COL24A1: variants seen among roughly 807,000 people sequenced by gnomAD.
COL24A1 encodes collagen alpha-1(XXIV) chain.
In COL24A1, 224 loss-of-function variants were observed where a neutral mutation model predicts 253.9. The observed-to-expected ratio is 0.88, with a 90% CI of 0.79 to 0.99. The LOEUF is 0.99. Among genes scored for constraint, COL24A1 ranks in the 50% least tolerant of loss-of-function variants. The pLI, the probability that COL24A1 is intolerant of heterozygous loss-of-function variation, is 0.00. For synonymous variants in COL24A1, 685 were observed against 673.7 expected (o/e 1.02, Z -0.26); for missense variants, 2,131 against 2,068.5 (o/e 1.03, Z -0.59).
intron 24 of COL24A1, among the ~76,000 whole-genome samples, chr1:85,941,320 C>T (rs998181295): frequency 1.3e-5 from 2 of 152,026 alleles, no homozygotes; most frequent in Admixed American, 6.6e-5. Context: ...TGCCTCCCCC[C>T]ACTGTCAATA....
chr1:85,892,919 C>T (rs1391529882), intron 31 of COL24A1, among the ~76,000 whole-genome samples: 3 of 151,954 alleles, frequency 2.0e-5, no homozygotes, highest in Non-Finnish European at 4.4e-5. Context: ...TTATTCAATG[C>T]CAACAGAAGA....
At chr1:85,838,552 A>T (rs180972612) in intron 43 of COL24A1, 33 bp downstream of exon 43, 1 of 1,586,694 alleles carries the variant, frequency 6.3e-7, no homozygotes, top group East Asian at 2.2e-5. Flanking sequence ...ACCCTATTTA[A>T]ATTCATTAGT....
chr1:86,092,130 C>A, intron 6 of COL24A1, 137 bp downstream of exon 6: 2 of 631,910 alleles, frequency 3.2e-6, no homozygotes. Flanking sequence ...ATAGTTCTTC[C>A]TTCATTAAAA....
At chr1:85,990,531 A>C (rs984381028) in intron 19 of COL24A1, among the ~76,000 whole-genome samples, 30 of 152,148 alleles carry the variant, frequency 2.0e-4, no homozygotes, top group Admixed American at 6.5e-5. Flanking sequence ...ATGCTTGCTC[A>C]CCTGCCACTC....
rs397832221 is a variant in COL24A1, at chr1:85,858,677, T to C, written c.3301-9271A>G. On this transcript the variant is annotated intron_variant, in intron 37 of 59. Coordinates refer to ENST00000370571, the MANE Select transcript of COL24A1 (RefSeq NM_152890.7). The stretch of plus-strand genomic sequence containing the variant: ...CTTCCTTCCTTCCTTCCTTCCTTCC[T>C]TCCCTCCGTCCTTCTTCCCTCCCTC... 8.0e-3 allele frequency among the ~76,000 whole-genome samples: 1,164 copies of C among 146,168 alleles called. 25 individuals carry two copies. Among genetic ancestry groups the C allele is most frequent in the African/African-American group, 0.029 (1,121 of 39,246 alleles).
At position 85,869,747 on chromosome 1, in the gene COL24A1, C is replaced by T. The variant is rs546277478; in HGVS notation, c.3139-912G>A. Among the ~76,000 whole-genome samples, 9 of 152,232 alleles carry T rather than the reference C, an allele frequency of 5.9e-5. No homozygotes were observed. The South Asian group carries it at 1.9e-3, about 32-fold the overall frequency. On this transcript the variant is annotated intron_variant, in intron 35 of 59. Transcript: ENST00000370571. ...AGGACCAGCCACTGCAAAAACATGC[C>T]AAATTGTAAAGACCATCGATGCTAG... is the stretch of plus-strand genomic sequence containing the variant.
intron 32 of COL24A1, among the ~76,000 whole-genome samples, chr1:85,885,295 G>A (rs930889744): frequency 6.6e-6 from 1 of 151,338 alleles, no homozygotes; most frequent in Admixed American, 6.6e-5. Flanking sequence ...CCGCCTCCCA[G>A]GTTCAAGTAA....
At chr1:86,136,465 T>A (rs1650261883) in intron 2 of COL24A1, among the ~76,000 whole-genome samples, 1 of 152,140 alleles carries the variant, frequency 6.6e-6, no homozygotes, top group African/African-American at 2.4e-5. Context: ...TTTAAGTTTA[T>A]TATTTCATTC....
At chr1:85,747,101 C>CTTTTT (rs34758363) in intron 55 of COL24A1, among the ~76,000 whole-genome samples, 11 of 111,238 alleles carry the variant, frequency 9.9e-5, no homozygotes, top group Non-Finnish European at 2.0e-4. Flanking sequence ...TGAATTATAA[C>CTTTTT]TTTTTTTTTT....
intron 19 of COL24A1, among the ~76,000 whole-genome samples, chr1:86,016,288 C>T (rs1221688576): frequency 2.6e-5 from 4 of 152,112 alleles, no homozygotes; most frequent in Non-Finnish European, 5.9e-5. Context: ...AGAAGTAGAT[C>T]TTATGGTTTA....
At chr1:86,002,613 C>G (rs771474115) in intron 19 of COL24A1, among the ~76,000 whole-genome samples, 3 of 152,112 alleles carry the variant, frequency 2.0e-5, no homozygotes, top group Non-Finnish European at 4.4e-5. Flanking sequence ...GAACATCACC[C>G]CAATCCACTA....
At chr1:86,068,497 G>A (rs952189315) in intron 7 of COL24A1, among the ~76,000 whole-genome samples, 2 of 152,272 alleles carry the variant, frequency 1.3e-5, no homozygotes, top group East Asian at 3.9e-4. Flanking sequence ...TACCACCATG[G>A]GCTGAAGTAC....
intron 18 of COL24A1, among the ~76,000 whole-genome samples, chr1:86,021,329 C>T (rs2101330440): frequency 1.3e-5 from 2 of 152,192 alleles, no homozygotes; most frequent in East Asian, 3.9e-4. Flanking sequence ...TTTACCTTCA[C>T]AGAGTTGTAA....
intron 38 of COL24A1, among the ~76,000 whole-genome samples, chr1:85,849,003 A>G (rs1011925601): frequency 1.3e-5 from 2 of 152,210 alleles, no homozygotes; most frequent in African/African-American, 4.8e-5. Flanking sequence ...CTCTTCCCTC[A>G]AATACTTTAC....
chr1:86,081,651 A>G (rs1702650159), intron 7 of COL24A1, among the ~76,000 whole-genome samples: 1 of 152,140 alleles, frequency 6.6e-6, no homozygotes, highest in Non-Finnish European at 1.5e-5. Flanking sequence ...GACTGAATGA[A>G]ATGACTTGTC....
In COL24A1 at chr1:85,865,621, G is replaced by A. The variant is rs1276160272; in HGVS notation, c.3300+2898C>T. ...GGGATTCCTTGCTGTGGTATTCTAC[G>A]GTATATGTTTAGACTTTCCCTTTTC... On this transcript the variant is annotated intron_variant, in intron 37 of 59. Transcript: ENST00000370571. Among the ~76,000 whole-genome samples the A allele has an allele frequency of 7.2e-5, 11 of 152,126 alleles. No homozygotes were observed. In the South Asian group the frequency reaches 1.9e-3, roughly 26 times the overall value.
At position 85,965,020 on chromosome 1, in the gene COL24A1, C is replaced by T. The variant is rs778384690; in HGVS notation, c.2506G>A (p.Glu836Lys). The change falls in exon 23 of 60, where the codon GAA (glutamate) becomes AAA (lysine). Residue 836 changes from glutamate to lysine, a missense_variant. Glu to Lys is a moderately conservative substitution (Grantham distance 56). Coordinates refer to ENST00000370571, the MANE Select transcript of COL24A1 (RefSeq NM_152890.7). The part of the protein sequence containing the change: ...QKGYAGEPGP[E>K]GLKGEVGDQG... ...GTCAGTTGCTTTACCTTTAAGCCTT[C>T]TGGTCCTGGTTCACCTGCATACCCC... The T allele has an allele frequency of 7.4e-6, 12 of 1,610,986 alleles. No individual in the cohort carries two copies. The East Asian group carries it at 2.7e-4, about 36-fold the overall frequency.
At chr1:85,763,136 G>T (rs768185802) in intron 53 of COL24A1, among the ~76,000 whole-genome samples, 5 of 152,080 alleles carry the variant, frequency 3.3e-5, no homozygotes, top group Non-Finnish European at 5.9e-5. Flanking sequence ...CTGTTTATAG[G>T]CCAGGCATGG....
In COL24A1 at chr1:86,046,878, T is replaced by C. The variant is rs1699948516; in HGVS notation, c.1906-9A>G. ...CGGATCCCAGGAATGCCCTAGAATA[T>C]AGAAAAGAAAAAGGAAATATTTGTT... On this transcript the variant is annotated splice_polypyrimidine_tract_variant and intron_variant, in intron 11 of 59. Coordinates refer to ENST00000370571, the MANE Select transcript of COL24A1 (RefSeq NM_152890.7). The C allele has an allele frequency of 8.4e-6, 12 of 1,435,266 alleles. No individual in the cohort carries two copies. The highest frequency in any genetic ancestry group is 2.3e-5 in the East Asian group (1 of 43,822). The allele number at this position is 1,435,266 out of a possible 1,614,324, so 88.9% of individuals were successfully genotyped here. A position where few individuals can be genotyped will look rare whatever the true frequency, so the allele number is the denominator to read the frequency against.
Sources: gnomAD v4.1 joint callset for allele counts (sites outside exome capture counted in the v4.1 genomes callset) on GRCh38, gnomAD v4.1.1 for gene constraint, MANE v1.5 for transcripts, NCBI Gene and HGNC (gene_info 2026-07-23, HGNC 2026-07-21) for gene names.